The following TFIP11 variants were observed in gnomAD, a reference collection of about 807,000 sequenced individuals.
The protein encoded by TFIP11 is tuftelin interacting protein 11.
In TFIP11, 86 loss-of-function variants were observed where a neutral mutation model predicts 96.8. The ratio of observed to expected loss-of-function variants is 0.89; its 90% CI spans 0.75 to 1.06. TFIP11 has a LOEUF of 1.06. Among genes scored for constraint, TFIP11 ranks in the 50% least tolerant of loss-of-function variants. TFIP11 has a pLI of 0.00. For synonymous variants in TFIP11, 405 were observed against 395.2 expected, an observed-to-expected ratio of 1.02 and a Z score of -0.29; for missense variants, 881 against 1,076.7, an observed-to-expected ratio of 0.82 and a Z score of 2.54.
At chr22:26,500,641 C>G (rs1312058616) in intron 8 of TFIP11, among the ~76,000 whole-genome samples, 2 of 150,998 alleles carry the variant, frequency 1.3e-5, no homozygotes, top group Non-Finnish European at 2.9e-5. Context: ...CATGAACCAC[C>G]AGCTTTAGAC....
intron 7 of TFIP11, among the ~76,000 whole-genome samples, chr22:26,502,526 C>T (rs1476256988): frequency 6.6e-6 from 1 of 152,166 alleles, no homozygotes; most frequent in Non-Finnish European, 1.5e-5. Context: ...AGAGGAGGAG[C>T]TAAGGCAAGC....
At position 26,499,577 on chromosome 22, in the gene TFIP11, T is replaced by G. The variant is rs778129471; in HGVS notation, c.856A>C (p.Ser286Arg). 1 of 1,614,014 alleles carries G rather than the reference T, an allele frequency of 6.2e-7. No homozygotes were observed. The highest frequency in any genetic ancestry group is 1.3e-5 in the African/African-American group (1 of 74,954). Residue 286 changes from serine to arginine, a missense_variant, in exon 9 of 15, where the codon AGC becomes CGC. Coordinates refer to ENST00000407690, the MANE Select transcript of TFIP11 (RefSeq NM_012143.4). ...TCATCGGGAACGTTGTGCTTGTGGC[T>G]GATCTGACTGTAGCTGTAGTAGACC... is the stretch of plus-strand genomic sequence containing the variant. Reference protein sequence around the residue: ...QKVYYSYSQISHKHNVPDDGL... With the variant: ...QKVYYSYSQIRHKHNVPDDGL...
At position 26,492,090 on chromosome 22, in the gene TFIP11, G is replaced by A. The variant is rs773624109; in HGVS notation, c.2437C>T (p.Arg813Trp). 2.2e-5 allele frequency: 36 copies of A among 1,613,590 alleles called. No homozygotes were observed. Among genetic ancestry groups the A allele is most frequent in the Non-Finnish European group, 2.9e-5 (34 of 1,179,806 alleles). The change falls in exon 15 of 15, where the codon CGG (arginine) becomes TGG (tryptophan). Residue 813 changes from arginine to tryptophan, a missense_variant. Coordinates refer to ENST00000407690, the MANE Select transcript of TFIP11 (RefSeq NM_012143.4). ...TCGCCCTGGACAAAGACCACTCCCC[G>A]GTCGATGTAGATCACAATGCGGCCA... ...TFGRIVIYID[R>W]GVVFVQGEKT...
At chr22:26,503,904 T>C (rs551585266) in intron 6 of TFIP11, 111 bp from the exon 7 acceptor site, 3 of 1,394,724 alleles carry the variant, frequency 2.2e-6, no homozygotes, top group African/African-American at 1.4e-5. Context: ...CAAAATAACA[T>C]GCTACTCAGG....
chr22:26,510,350 G>C, intron 3 of TFIP11, 69 bp from the exon 4 acceptor site: 1 of 1,412,208 alleles, frequency 7.1e-7, no homozygotes, highest in Non-Finnish European at 9.9e-7. Flanking sequence ...TTCCTTGTGA[G>C]TCTCTATTCC....
Position 26,491,605 on chromosome 22 carries a change from A to AT in TFIP11, c.*407dup. 1 of 1,614,172 alleles carries AT rather than the reference A, an allele frequency of 6.2e-7. No homozygotes were observed. On this transcript the variant is annotated 3_prime_UTR_variant, in exon 15 of 15. Transcript: ENST00000407690. ...ATTTGGGAGTTTCGGGAAGAACCAGATTATCAGGACTGTGAGGACCTTGAA... is the reference window on the plus strand; with the variant it reads ...ATTTGGGAGTTTCGGGAAGAACCAGATTTATCAGGACTGTGAGGACCTTGAA...
chr22:26,506,713 G>A, intron 5 of TFIP11, 62 bp downstream of exon 5: 1 of 1,584,826 alleles, frequency 6.3e-7, no homozygotes, highest in Non-Finnish European at 8.6e-7. Context: ...GCTAGAAAAT[G>A]CTTGGGCCAC....
chr22:26,492,199 G>A lies in TFIP11; in HGVS notation c.2328C>T (p.Leu776=), dbSNP rs771163665. ...ASSVPMNFKD[L]IETKAEEHNI... is the part of the protein sequence containing the mutation. ...TGTGCTCCTCAGCCTTGGTCTCAAT[G>A]AGGTCCTTAAAGTTCATGGGCACAG... is the stretch of plus-strand genomic sequence containing the variant. Residue 776 remains leucine, a synonymous_variant, in exon 15 of 15, where the codon CTC becomes CTT. Coordinates refer to ENST00000407690, the MANE Select transcript of TFIP11 (RefSeq NM_012143.4). 2 of 1,614,218 alleles carry A rather than the reference G, an allele frequency of 1.2e-6. No individual in the cohort carries two copies. Among genetic ancestry groups the A allele is most frequent in the Non-Finnish European group, 1.7e-6 (2 of 1,180,048 alleles).
At position 26,491,989 on chromosome 22, in the gene TFIP11, G is replaced by A; in HGVS notation, c.*24C>T. ...ACATCCCTCTTAGGGGCAAGTCTCT[G>A]ACTGGTTCTGGACCTGCCACAGTTC... On this transcript the variant is annotated 3_prime_UTR_variant, in exon 15 of 15. Transcript: ENST00000407690. The A allele has an allele frequency of 6.4e-7, 1 of 1,561,752 alleles. No individual in the cohort carries two copies. Among genetic ancestry groups the A allele is most frequent in the Non-Finnish European group, 8.7e-7 (1 of 1,150,824 alleles).
Position 26,491,516 on chromosome 22 carries a change from C to G in TFIP11, c.*497G>C. 6.2e-7 allele frequency: 1 copy of G among 1,614,092 alleles called. No homozygotes were observed. Among genetic ancestry groups the G allele is most frequent in the Non-Finnish European group, 8.5e-7 (1 of 1,179,984 alleles). On this transcript the variant is annotated 3_prime_UTR_variant, in exon 15 of 15. Coordinates refer to ENST00000407690, the MANE Select transcript of TFIP11 (RefSeq NM_012143.4). ...TTCCTCAGACTTCACAATACATGGACATATTTAATGATACCTCTGTCCACT... is the reference window on the plus strand; with the variant it reads ...TTCCTCAGACTTCACAATACATGGAGATATTTAATGATACCTCTGTCCACT...
Position 26,494,263 on chromosome 22 carries a change from C to T in TFIP11, c.2034G>A (p.Glu678=), listed in dbSNP as rs145696489. The T allele has an allele frequency of 6.2e-7, 1 of 1,614,150 alleles. No homozygotes were observed. The highest frequency in any genetic ancestry group is 2.2e-5 in the East Asian group (1 of 44,888). ...TCCAACCCAGGTACCACTTGGTGAT[C>T]TCCTCATAATTTGGGCTGTTACTGA... ...SWLSNSPNYE[E]ITKWYLGWKS... Residue 678 remains glutamate, a synonymous_variant, in exon 14 of 15, where the codon GAG becomes GAA. Transcript: ENST00000407690.
intron 10 of TFIP11, among the ~76,000 whole-genome samples, chr22:26,497,402 G>GTT (rs1303586631): frequency 6.6e-6 from 1 of 152,150 alleles, no homozygotes; most frequent in Non-Finnish European, 1.5e-5. Flanking sequence ...TGTGCTCCTA[G>GTT]GGTAAGCCCA....
intron 7 of TFIP11, 58 bp from the exon 8 acceptor site, chr22:26,502,110 G>A: frequency 1.2e-6 from 2 of 1,602,802 alleles, no homozygotes; most frequent in Admixed American, 1.7e-5. Flanking sequence ...TACCACAGGT[G>A]AGGTAGCTGA....
Position 26,507,450 on chromosome 22 carries a change from T to C in TFIP11, c.210-522A>G, listed in dbSNP as rs192833480. ...TCCAGCCAGGGCAACATGGTGAGACTTCGTCTCTATAAAAAAAAAATAAAT... is the reference window on the plus strand; with the variant it reads ...TCCAGCCAGGGCAACATGGTGAGACCTCGTCTCTATAAAAAAAAAATAAAT... On this transcript the variant is annotated intron_variant, in intron 4 of 14. Transcript: ENST00000407690. 1.4e-3 allele frequency among the ~76,000 whole-genome samples: 214 copies of C among 152,004 alleles called. 1 individual carries two copies. The highest frequency in any genetic ancestry group is 4.6e-3 in the South Asian group (22 of 4,812).
rs922917057 is a variant in TFIP11, at chr22:26,496,882, A to G, written c.1444T>C (p.Trp482Arg). Reference sequence around the variant, plus strand: ...CGAACAAAAGGCATCCAGACTTCCCATATCAACCTATGGGAGAAAGGCAGA... The same window carrying G: ...CGAACAAAAGGCATCCAGACTTCCCGTATCAACCTATGGGAGAAAGGCAGA... Reference protein sequence around the residue: ...LSADAFHRLIWEVWMPFVRNI... With the variant: ...LSADAFHRLIREVWMPFVRNI... Residue 482 changes from tryptophan (W) to arginine (R), a missense_variant, in exon 11 of 15, where the codon TGG becomes CGG. By Grantham distance (101) the Trp-to-Arg change is moderately radical (BLOSUM62 -3). Coordinates refer to ENST00000407690, the MANE Select transcript of TFIP11 (RefSeq NM_012143.4). 4 of 1,613,942 alleles carry G rather than the reference A, an allele frequency of 2.5e-6. No homozygotes were observed. The highest frequency in any genetic ancestry group is 3.4e-6 in the Non-Finnish European group (4 of 1,180,038).
At chr22:26,494,726 G>A in intron 13 of TFIP11, 71 bp downstream of exon 13, 9 of 1,596,200 alleles carry the variant, frequency 5.6e-6, no homozygotes, top group Non-Finnish European at 6.9e-6. Context: ...CTACAGTCAG[G>A]CCTTGGCAGA....
At chr22:26,499,961 C>A (rs988918941) in intron 8 of TFIP11, among the ~76,000 whole-genome samples, 1 of 151,886 alleles carries the variant, frequency 6.6e-6, no homozygotes, top group Non-Finnish European at 1.5e-5. Context: ...AGAAGCTGTA[C>A]TGATCAAAGA....
chr22:26,496,953 A>G (rs1602203427), intron 10 of TFIP11, 64 bp from the exon 11 acceptor site: 2 of 1,555,244 alleles, frequency 1.3e-6, no homozygotes, highest in Non-Finnish European at 1.8e-6. Flanking sequence ...GTACACCACC[A>G]CCACCTGCCT....
chr22:26,505,645 T>C (rs182113313), intron 6 of TFIP11, among the ~76,000 whole-genome samples: 12 of 152,198 alleles, frequency 7.9e-5, no homozygotes, highest in African/African-American at 2.6e-4. Flanking sequence ...TTAGGTGAAA[T>C]TGTCTGTTTT....
Sources: allele counts gnomAD v4.1 joint callset (sites outside exome capture counted in the v4.1 genomes callset), GRCh38; gene constraint gnomAD v4.1.1; transcripts MANE v1.5; gene names NCBI Gene and HGNC (gene_info 2026-07-23, HGNC 2026-07-21).